AHCTF1: variants seen among roughly 807,000 people sequenced by gnomAD.
AHCTF1 encodes protein ELYS.
AHCTF1 carries 24 observed loss-of-function variants against 248.4 expected under a neutral mutation model. The ratio of observed to expected loss-of-function variants is 0.10; its 90% CI spans 0.07 to 0.14. The LOEUF (loss-of-function observed/expected upper bound fraction) is 0.14. Among genes scored for constraint, AHCTF1 ranks in the 10% least tolerant of loss-of-function variants. The pLI is 1.00. For missense variants in AHCTF1, 2,206 were observed against 2,636.2 expected, an observed-to-expected ratio of 0.84 and a Z score of 3.57; for synonymous variants, 786 against 929.8, an observed-to-expected ratio of 0.85 and a Z score of 2.81.
At chr1:246,928,232 G>A (rs926698234) in intron 1 of AHCTF1, among the ~76,000 whole-genome samples, 1 of 151,004 alleles carries the variant, frequency 6.6e-6, no homozygotes, top group African/African-American at 2.4e-5. Context: ...GAACCCGGGA[G>A]GCGGACCTGG....
intron 33 of AHCTF1, among the ~76,000 whole-genome samples, chr1:246,849,219 C>CTTTTTTCTAA (rs1001331483): frequency 6.6e-6 from 1 of 152,172 alleles, no homozygotes; most frequent in African/African-American, 2.4e-5. Flanking sequence ...TAAAAAGCTA[C>CTTTTTTCTAA]TGGTGTTTCC....
chr1:246,863,246 T>TA (rs1459925846), intron 27 of AHCTF1, among the ~76,000 whole-genome samples: 2 of 152,086 alleles, frequency 1.3e-5, no homozygotes, highest in African/African-American at 4.8e-5. Context: ...AAGGATTCCC[T>TA]AGCTTCACTA....
Position 246,840,739 on chromosome 1 carries a change from A to AT in AHCTF1, c.*66dup. The AT allele has an allele frequency of 2.6e-6, 3 of 1,144,402 alleles. No homozygotes were observed. Among genetic ancestry groups the AT allele is most frequent in the Non-Finnish European group, 3.6e-6 (3 of 832,680 alleles). 70.9% of individuals were successfully genotyped at this position (1,144,402 alleles called of 1,614,324 possible). On this transcript the variant is annotated 3_prime_UTR_variant, in exon 36 of 36. Coordinates refer to ENST00000648844, the MANE Select transcript of AHCTF1 (RefSeq NM_001323342.2). ...TATAAATTATTTTCTTCCAAACTAG[A>AT]TATTTAATAATCCACACTATTCTGA...
chr1:246,885,237 C>T (rs964062408), intron 21 of AHCTF1, among the ~76,000 whole-genome samples: 3 of 152,076 alleles, frequency 2.0e-5, no homozygotes, highest in Non-Finnish European at 4.4e-5. Flanking sequence ...CCATGGATAC[C>T]AAAATCCACA....
intron 24 of AHCTF1, among the ~76,000 whole-genome samples, chr1:246,868,870 A>C (rs948230600): frequency 7.4e-6 from 1 of 134,554 alleles, no homozygotes; most frequent in Non-Finnish European, 1.6e-5. Context: ...TTTGAGATGG[A>C]GTCTCGCTCT....
chr1:246,856,309 G>A (rs1661108198), intron 30 of AHCTF1, among the ~76,000 whole-genome samples: 1 of 152,176 alleles, frequency 6.6e-6, no homozygotes, highest in African/African-American at 2.4e-5. Context: ...GGAATATGAT[G>A]ACAGTGTTCC....
intron 20 of AHCTF1, among the ~76,000 whole-genome samples, chr1:246,885,958 A>G (rs1191577510): frequency 1.3e-5 from 2 of 152,224 alleles, no homozygotes; most frequent in African/African-American, 4.8e-5. Flanking sequence ...AGGCCAAGAC[A>G]AGCGGACTGC....
intron 19 of AHCTF1, among the ~76,000 whole-genome samples, 181 bp downstream of exon 19, chr1:246,887,994 CAT>C (rs1663946874): frequency 6.6e-6 from 1 of 152,108 alleles, no homozygotes; most frequent in Non-Finnish European, 1.5e-5. Flanking sequence ...CAAAATTTTT[CAT>C]ATAGTTTTAG....
chr1:246,925,212 G>T (rs1666846571), intron 1 of AHCTF1, among the ~76,000 whole-genome samples: 1 of 152,160 alleles, frequency 6.6e-6, no homozygotes, highest in African/African-American at 2.4e-5. Flanking sequence ...AGTGTATTCA[G>T]AAGAGTGCTA....
intron 4 of AHCTF1, among the ~76,000 whole-genome samples, chr1:246,912,872 A>G (rs543003373): frequency 6.6e-6 from 1 of 152,312 alleles, no homozygotes; most frequent in South Asian, 2.1e-4. Flanking sequence ...GTAATTTCAT[A>G]TTGGCTGATA....
intron 26 of AHCTF1, among the ~76,000 whole-genome samples, 182 bp downstream of exon 26, chr1:246,867,062 G>GT (rs1413699501): frequency 6.6e-6 from 1 of 152,144 alleles, no homozygotes; most frequent in Non-Finnish European, 1.5e-5. Flanking sequence ...AAAATTTTAA[G>GT]TATACTACTA....
chr1:246,870,001 T>A (rs554625253), intron 24 of AHCTF1, among the ~76,000 whole-genome samples: 1 of 152,340 alleles, frequency 6.6e-6, no homozygotes, highest in African/African-American at 2.4e-5. Flanking sequence ...AGCACATTCA[T>A]AATTCCTGGG....
chr1:246,877,165 GTGT>G lies in AHCTF1; in HGVS notation c.2795_2797del (p.Asp932_Thr933delinsAla), dbSNP rs755490389. On this transcript the variant is annotated inframe_deletion, in exon 22 of 36. Coordinates refer to ENST00000648844, the MANE Select transcript of AHCTF1 (RefSeq NM_001323342.2). ...ACATCGGTAAGTAATTACCTGCTCA[GTGT>G]CTGTAAATGGTAACTTCAGTAAATC... The G allele has an allele frequency of 2.5e-6, 4 of 1,612,828 alleles. No homozygotes were observed. The highest frequency in any genetic ancestry group is 3.3e-5 in the Admixed American group (2 of 59,870).
chr1:246,890,904 T>C, intron 16 of AHCTF1, 52 bp downstream of exon 16: 1 of 1,185,920 alleles, frequency 8.4e-7, no homozygotes, highest in Non-Finnish European at 1.1e-6. Flanking sequence ...AACAAAATTA[T>C]AAAGATTCAG....
At chr1:246,915,825 G>A (rs1293380862) in intron 3 of AHCTF1, among the ~76,000 whole-genome samples, 1 of 152,102 alleles carries the variant, frequency 6.6e-6, no homozygotes, top group African/African-American at 2.4e-5. Context: ...GAACACAACT[G>A]GAGATAAGAA....
At chr1:246,899,177 T>C (rs945532840) in intron 11 of AHCTF1, among the ~76,000 whole-genome samples, 2 of 152,198 alleles carry the variant, frequency 1.3e-5, no homozygotes, top group African/African-American at 4.8e-5. Flanking sequence ...TTTGCATTAC[T>C]TCATTTCCTC....
At chr1:246,894,228 T>G (rs1224940100) in intron 14 of AHCTF1, among the ~76,000 whole-genome samples, 1 of 152,178 alleles carries the variant, frequency 6.6e-6, no homozygotes, top group Non-Finnish European at 1.5e-5. Flanking sequence ...TTTTATCACT[T>G]TAATGTAAAA....
At chr1:246,876,924 C>T in intron 23 of AHCTF1, 26 bp downstream of exon 23, 6 of 1,609,750 alleles carry the variant, frequency 3.7e-6, no homozygotes, top group Non-Finnish European at 5.1e-6. Context: ...CTCTTATCCC[C>T]CATAATAAGA....
chr1:246,930,714 A>G (rs535920845), intron 1 of AHCTF1, among the ~76,000 whole-genome samples: 37 of 152,262 alleles, frequency 2.4e-4, no homozygotes, highest in Admixed American at 5.2e-4. Context: ...CGCCCAGCCA[A>G]AGACAGTTCT....
Sources: gnomAD v4.1 joint callset for allele counts (sites outside exome capture counted in the v4.1 genomes callset) on GRCh38, gnomAD v4.1.1 for gene constraint, MANE v1.5 for transcripts, NCBI Gene and HGNC (gene_info 2026-07-23, HGNC 2026-07-21) for gene names.